Variants in VANGL1 observed in about 807,000 individuals in gnomAD.
VANGL1 encodes the protein vang-like protein 1.
A neutral mutation model predicts 48.4 loss-of-function variants in VANGL1; 18 were observed. The observed-to-expected ratio is 0.37, with a 90% CI of 0.26 to 0.55. The LOEUF (loss-of-function observed/expected upper bound fraction) is 0.55. Ranked by LOEUF, VANGL1 falls within the 20% of genes least tolerant of loss-of-function variation. VANGL1 has a pLI of 0.81. For synonymous variants in VANGL1, 257 were observed against 261.8 expected (o/e 0.98, Z 0.18); for missense variants, 667 against 675.8 (o/e 0.99, Z 0.14).
In VANGL1 at chr1:115,693,817, T is replaced by G. The variant is rs1168246738; in HGVS notation, c.*2438T>G. ...ACAATTGAACACAATGCATTTTTAT[T>G]TCAATTCTTGGAACTGGTAGGCTAT... On this transcript the variant is annotated 3_prime_UTR_variant, in exon 8 of 8. Transcript: ENST00000355485. 1 of 152,218 alleles carries G rather than the reference T, an allele frequency of 6.6e-6. No homozygotes were observed. Among genetic ancestry groups the G allele is most frequent in the East Asian group, 1.9e-4 (1 of 5,196 alleles). 9.4% of individuals were successfully genotyped at this position (152,218 alleles called of 1,614,324 possible).
At chr1:115,675,205 G>C (rs1164969948) in intron 4 of VANGL1, among the ~76,000 whole-genome samples, 1 of 152,080 alleles carries the variant, frequency 6.6e-6, no homozygotes. Context: ...CTTGTAAAAA[G>C]AATTGTTATA....
chr1:115,685,777 T>G (rs1653585092), intron 7 of VANGL1, among the ~76,000 whole-genome samples: 1 of 152,102 alleles, frequency 6.6e-6, no homozygotes, highest in Non-Finnish European at 1.5e-5. Flanking sequence ...GGAATAGTGA[T>G]TGGAGACAGT....
chr1:115,677,214 C>T (rs564233010), intron 4 of VANGL1, among the ~76,000 whole-genome samples: 2 of 152,226 alleles, frequency 1.3e-5, no homozygotes, highest in Non-Finnish European at 2.9e-5. Flanking sequence ...ATTTGAACTA[C>T]GTTTTGAGGT....
At chr1:115,686,143 G>C (rs1465756763) in intron 7 of VANGL1, among the ~76,000 whole-genome samples, 1 of 152,034 alleles carries the variant, frequency 6.6e-6, no homozygotes, top group Non-Finnish European at 1.5e-5. Context: ...CTGTCAGAGA[G>C]ATATTATTAT....
intron 6 of VANGL1, 69 bp downstream of exon 6, chr1:115,684,145 T>C: frequency 1.5e-6 from 2 of 1,340,614 alleles, no homozygotes; most frequent in Non-Finnish European, 2.0e-6. Context: ...TATTTATTTA[T>C]TTATTTATTT....
chr1:115,674,438 A>G (rs1019653683), intron 4 of VANGL1, among the ~76,000 whole-genome samples: 2 of 152,198 alleles, frequency 1.3e-5, no homozygotes, highest in Non-Finnish European at 2.9e-5. Context: ...ATGGAGTTGG[A>G]GAGGCTAGTT....
At chr1:115,676,040 C>T (rs1468858116) in intron 4 of VANGL1, among the ~76,000 whole-genome samples, 2 of 152,082 alleles carry the variant, frequency 1.3e-5, no homozygotes, top group African/African-American at 2.4e-5. Flanking sequence ...ATTAGTAATG[C>T]GATAATTTTT....
Position 115,682,582 on chromosome 1 carries a change from T to G in VANGL1, c.946+85T>G, listed in dbSNP as rs529099822. On this transcript the variant is annotated intron_variant, in intron 5 of 7. Transcript: ENST00000355485. ...AGATTCATGGTACGTTTGGTTCGAC[T>G]TCTTCTCTGGGCCTACCTTTATGGT... 5.9e-5 allele frequency: 94 copies of G among 1,599,690 alleles called. No homozygotes were observed. In the East Asian group the frequency reaches 2.1e-3, roughly 35 times the overall value.
At chr1:115,646,053 A>G (rs991639834) in intron 1 of VANGL1, among the ~76,000 whole-genome samples, 2 of 152,070 alleles carry the variant, frequency 1.3e-5, no homozygotes, top group African/African-American at 2.4e-5. Context: ...CCTTCATACG[A>G]TTTGCTAAAC....
chr1:115,650,755 C>T (rs1007938103), intron 1 of VANGL1, among the ~76,000 whole-genome samples: 1 of 151,440 alleles, frequency 6.6e-6, no homozygotes, highest in Admixed American at 6.6e-5. Flanking sequence ...ACAATGAGAC[C>T]ACAATAATTT....
rs1333013682 is a variant in VANGL1, at chr1:115,695,972, C to T, written c.*4593C>T. 9.2e-5 allele frequency: 14 copies of T among 152,170 alleles called. No individual in the cohort carries two copies. Among genetic ancestry groups the T allele is most frequent in the Admixed American group, 8.5e-4 (13 of 15,276 alleles). 9.4% of individuals were successfully genotyped at this position (152,170 alleles called of 1,614,324 possible). On this transcript the variant is annotated 3_prime_UTR_variant, in exon 8 of 8. Transcript: ENST00000355485. ...TTCACTTTGGATTTACACCTTGTCC[C>T]TTGGAAAGCTTCTCCACTATGCTAG...
In VANGL1 at chr1:115,646,138, T is replaced by C. The variant is rs144325743; in HGVS notation, c.-138+4052T>C. 5.4e-3 allele frequency among the ~76,000 whole-genome samples: 820 copies of C among 152,318 alleles called. 12 individuals are homozygous for C. Among genetic ancestry groups the C allele is most frequent in the African/African-American group, 0.018 (759 of 41,570 alleles). On this transcript the variant is annotated intron_variant, in intron 1 of 7. Transcript: ENST00000355485. Reference sequence around the variant, plus strand: ...TTTAGGAGAGAATTCTGTTTGAGGCTGATTATCTTCATTTTGCTTTTGATA... The same window carrying C: ...TTTAGGAGAGAATTCTGTTTGAGGCCGATTATCTTCATTTTGCTTTTGATA...
intron 7 of VANGL1, 143 bp downstream of exon 7, chr1:115,685,670 T>A: frequency 1.1e-6 from 1 of 904,618 alleles, no homozygotes; most frequent in Non-Finnish European, 1.8e-6. Flanking sequence ...GATTCTCACT[T>A]ATTTTATGTT....
intron 6 of VANGL1, 102 bp from the exon 7 acceptor site, chr1:115,685,191 A>G: frequency 8.1e-7 from 1 of 1,234,830 alleles, no homozygotes; most frequent in Non-Finnish European, 1.2e-6. Context: ...GGCCTTGGGT[A>G]TGTTGGCAGG....
intron 4 of VANGL1, among the ~76,000 whole-genome samples, chr1:115,679,984 AGTGT>A (rs768501546): frequency 0.024 from 3,326 of 137,444 alleles, 68 homozygotes; most frequent in African/African-American, 0.043. Context: ...CACACCAGGG[AGTGT>A]GTGTGTGTGT....
intron 2 of VANGL1, among the ~76,000 whole-genome samples, chr1:115,654,269 CTGATGACACCA>C (rs1652261233): frequency 6.6e-6 from 1 of 151,878 alleles, no homozygotes; most frequent in African/African-American, 2.4e-5. Context: ...CTTGATATGC[CTGATGACACCA>C]TGATCATCTT....
intron 4 of VANGL1, among the ~76,000 whole-genome samples, chr1:115,676,640 C>T (rs1036459553): frequency 8.5e-5 from 13 of 152,210 alleles, no homozygotes; most frequent in African/African-American, 3.1e-4. Context: ...CAGTATTTTT[C>T]CTGGTATAAA....
intron 4 of VANGL1, among the ~76,000 whole-genome samples, chr1:115,672,266 A>G (rs1653003082): frequency 6.6e-6 from 1 of 152,108 alleles, no homozygotes; most frequent in Non-Finnish European, 1.5e-5. Context: ...GCCAATCTGC[A>G]TGTTCATCTT....
rs960500394 is a variant in VANGL1, at chr1:115,687,946, A to G, written c.1314+2419A>G. ...TATATATCATTCATTAGGTAGATAG[A>G]TAGATAGATAGATAGATAGATAGAT... is the stretch of plus-strand genomic sequence containing the variant. On this transcript the variant is annotated intron_variant, in intron 7 of 7. Coordinates refer to ENST00000355485, the MANE Select transcript of VANGL1 (RefSeq NM_138959.3). Among the ~76,000 whole-genome samples the G allele has an allele frequency of 1.9e-5, 2 of 104,770 alleles. 1 individual carries two copies. The allele number at this position is 104,770 out of a possible 152,430, so 68.7% of individuals were successfully genotyped here. A position where few individuals can be genotyped will look rare whatever the true frequency, so the allele number is the denominator to read the frequency against.
Sources: allele counts gnomAD v4.1 joint callset (sites outside exome capture counted in the v4.1 genomes callset), GRCh38; gene constraint gnomAD v4.1.1; transcripts MANE v1.5; gene names NCBI Gene and HGNC (gene_info 2026-07-23, HGNC 2026-07-21).